TRPM1: variants seen among roughly 807,000 people sequenced by gnomAD.
TRPM1 encodes TRPM1-203 APA Isoform, Intron 10.
In TRPM1, 113 loss-of-function variants were observed where a neutral mutation model predicts 149.4. The ratio of observed to expected loss-of-function variants is 0.76; its 90% CI spans 0.65 to 0.88. The LOEUF (loss-of-function observed/expected upper bound fraction) is 0.88, where lower values mean the gene tolerates loss of function less well. Among genes scored for constraint, TRPM1 ranks in the 40% least tolerant of loss-of-function variants. The pLI is 0.00. For missense variants in TRPM1, 1,976 were observed against 2,038.7 expected, an observed-to-expected ratio of 0.97 and a Z score of 0.59; for synonymous variants, 741 against 759.5, an observed-to-expected ratio of 0.98 and a Z score of 0.40.
intron 1 of TRPM1, among the ~76,000 whole-genome samples, chr15:31,089,394 T>C (rs1400681916): frequency 6.6e-6 from 1 of 152,222 alleles, no homozygotes; most frequent in Non-Finnish European, 1.5e-5. Flanking sequence ...ATACGTTGTT[T>C]CTTCCCTACA....
intron 1 of TRPM1, among the ~76,000 whole-genome samples, chr15:31,121,025 A>G (rs760697636): frequency 2.0e-5 from 3 of 152,002 alleles, no homozygotes; most frequent in South Asian, 2.1e-4. Flanking sequence ...TCAGAAGTTC[A>G]AGACCAGCCT....
Position 31,047,245 on chromosome 15 carries a change from G to C in TRPM1, c.1630C>G (p.Leu544Val). The C allele has an allele frequency of 1.2e-6, 2 of 1,614,234 alleles. No homozygotes were observed. Among genetic ancestry groups the C allele is most frequent in the Non-Finnish European group, 8.5e-7 (1 of 1,180,042 alleles). Reference sequence around the variant, plus strand: ...AGGCTGATGTGGTAATCAGGCGGAAGGTTGCTCTGTAAAAGAAGTCTGGTC... The same window carrying C: ...AGGCTGATGTGGTAATCAGGCGGAACGTTGCTCTGTAAAAGAAGTCTGGTC... ...LLVRDVKKSN[L>V]PPDYHISLID... The change falls in exon 15 of 28, where the codon CTT becomes GTT. Residue 544 changes from leucine (L) to valine (V), a missense_variant. Leu to Val is a conservative substitution (Grantham distance 32). This residue lies in a region of TRPM1 where 1,332 missense variants were observed against 1,347.1 expected (regional missense o/e 0.99). Coordinates refer to ENST00000256552, the MANE Select transcript of TRPM1 (RefSeq NM_001252024.2).
intron 27 of TRPM1, among the ~76,000 whole-genome samples, chr15:31,005,034 G>A (rs1161569438): frequency 6.6e-6 from 1 of 151,858 alleles, no homozygotes; most frequent in Non-Finnish European, 1.5e-5. Context: ...CCCAGGAGGC[G>A]GAGGTTGCAG....
intron 1 of TRPM1, among the ~76,000 whole-genome samples, chr15:31,149,527 T>TC (rs11396848): frequency 1.2e-4 from 17 of 138,576 alleles, no homozygotes; most frequent in East Asian, 2.1e-4. Context: ...TCTCTCTCTC[T>TC]TTTTTTTTTT....
At chr15:31,015,979 C>G (rs1212973843) in intron 27 of TRPM1, among the ~76,000 whole-genome samples, 1 of 152,062 alleles carries the variant, frequency 6.6e-6, no homozygotes, top group African/African-American at 2.4e-5. Context: ...CTTGAGAACC[C>G]CAAATGCCAA....
At chr15:31,075,896 T>A (rs74766011) in intron 3 of TRPM1, among the ~76,000 whole-genome samples, 3 of 151,412 alleles carry the variant, frequency 2.0e-5, no homozygotes, top group East Asian at 3.9e-4. Flanking sequence ...TTTTTTTTTT[T>A]AATCCATGCT....
upstream of TRPM1, among the ~76,000 whole-genome samples, chr15:31,106,147 T>C (rs2035603347): frequency 6.6e-6 from 1 of 151,962 alleles, no homozygotes; most frequent in Non-Finnish European, 1.5e-5. Context: ...TTTTCTTTTT[T>C]TTTTTTTTGA....
At chr15:31,159,377 C>T (rs772269281) in intron 1 of TRPM1, among the ~76,000 whole-genome samples, 2 of 152,204 alleles carry the variant, frequency 1.3e-5, no homozygotes, top group Non-Finnish European at 2.9e-5. Flanking sequence ...TCAGCAAGAA[C>T]AGTGTGGGCC....
intron 27 of TRPM1, among the ~76,000 whole-genome samples, chr15:31,021,188 C>T (rs924191295): frequency 1.3e-5 from 2 of 152,202 alleles, no homozygotes; most frequent in Non-Finnish European, 2.9e-5. Flanking sequence ...TCTTCCCCAT[C>T]ACTGCGCATT....
chr15:31,149,157 G>A (rs1211222293), intron 1 of TRPM1, among the ~76,000 whole-genome samples: 1 of 152,210 alleles, frequency 6.6e-6, no homozygotes, highest in African/African-American at 2.4e-5. Context: ...GGGCTGGGGA[G>A]GCCAGGCAAG....
At chr15:31,138,234 A>G (rs72714642) in intron 1 of TRPM1, among the ~76,000 whole-genome samples, 16,575 of 152,036 alleles carry the variant, frequency 0.11, 943 homozygotes, top group South Asian at 0.14. Context: ...CGCCCTCACA[A>G]AGATTTTGAG....
intron 2 of TRPM1, among the ~76,000 whole-genome samples, chr15:31,077,652 G>A (rs1371742338): frequency 6.6e-6 from 1 of 152,166 alleles, no homozygotes; most frequent in Non-Finnish European, 1.5e-5. Flanking sequence ...CTCGTGGGAG[G>A]CAGGGAGAGA....
intron 18 of TRPM1, among the ~76,000 whole-genome samples, chr15:31,039,472 C>G (rs2033540647): frequency 6.6e-6 from 1 of 152,134 alleles, no homozygotes; most frequent in Non-Finnish European, 1.5e-5. Flanking sequence ...TTTTCTTTAT[C>G]CTCATGGAGA....
chr15:31,105,478 C>T (rs78297191), upstream of TRPM1, among the ~76,000 whole-genome samples: 24 of 150,838 alleles, frequency 1.6e-4, no homozygotes, highest in Middle Eastern at 3.5e-3. Context: ...TGTGTGCGCG[C>T]GCGCGCGCGT....
At chr15:31,012,735 C>T (rs941003812) in intron 27 of TRPM1, among the ~76,000 whole-genome samples, 2 of 152,072 alleles carry the variant, frequency 1.3e-5, no homozygotes, top group Non-Finnish European at 1.5e-5. Flanking sequence ...CTATAACTCT[C>T]ATGATGCCTA....
At chr15:31,033,373 C>T (rs2033187210) in intron 21 of TRPM1, among the ~76,000 whole-genome samples, 1 of 152,214 alleles carries the variant, frequency 6.6e-6, no homozygotes, top group Non-Finnish European at 1.5e-5. Flanking sequence ...TTTGATTTGG[C>T]AAAATTCCTT....
chr15:31,087,857 AG>A, intron 1 of TRPM1, among the ~76,000 whole-genome samples: 1 of 152,266 alleles, frequency 6.6e-6, no homozygotes, highest in East Asian at 1.9e-4. Context: ...AGCTGGTGGG[AG>A]GGAGGAATGG....
At chr15:31,028,237 C>T (rs2032877525) in intron 25 of TRPM1, 95 bp downstream of exon 25, 1 of 1,522,776 alleles carries the variant, frequency 6.6e-7, no homozygotes, top group South Asian at 1.1e-5. Flanking sequence ...AAATTATCTG[C>T]AAATATATTG....
At chr15:31,075,113 G>A (rs903983239) in intron 3 of TRPM1, among the ~76,000 whole-genome samples, 3 of 152,204 alleles carry the variant, frequency 2.0e-5, no homozygotes, top group African/African-American at 7.2e-5. Flanking sequence ...GCTGGAGAAT[G>A]TTCCATATGC....
Sources: allele counts gnomAD v4.1 joint callset (sites outside exome capture counted in the v4.1 genomes callset), GRCh38; gene constraint gnomAD v4.1.1; regional missense constraint gnomAD v4.1.1; transcripts MANE v1.5; gene names NCBI Gene and HGNC (gene_info 2026-07-23, HGNC 2026-07-21).